Variants in DERA observed in about 807,000 individuals in gnomAD.
DERA encodes the protein 2-deoxy-D-ribose 5-phosphate aldolase.
In DERA, 15 loss-of-function variants were observed where a neutral mutation model predicts 41.1. That is an observed-to-expected ratio of 0.37 (90% CI 0.24 to 0.56). DERA has a LOEUF of 0.56. Among genes scored for constraint, DERA ranks in the 20% least tolerant of loss-of-function variants. The probability of loss-of-function intolerance (pLI) is 0.81; values close to 1 mark genes in which losing one functional copy is unlikely to be tolerated. For missense variants in DERA, 396 were observed against 403.4 expected, an observed-to-expected ratio of 0.98 and a Z score of 0.16; for synonymous variants, 139 against 137.4, an observed-to-expected ratio of 1.01 and a Z score of -0.08.
intron 6 of DERA, among the ~76,000 whole-genome samples, chr12:15,991,175 T>C (rs2136167656): frequency 6.6e-6 from 1 of 152,328 alleles, no homozygotes; most frequent in Non-Finnish European, 1.5e-5. Flanking sequence ...TGGTATCTCA[T>C]TGTGGTTTTG....
intron 6 of DERA, among the ~76,000 whole-genome samples, chr12:16,007,607 T>C (rs961525110): frequency 2.0e-5 from 3 of 152,228 alleles, no homozygotes; most frequent in African/African-American, 7.2e-5. Flanking sequence ...AGCTGTATGG[T>C]CAATATAATG....
rs1289086389 is a variant in DERA at position 15,992,294 on chromosome 12, C to G, written c.637+9858C>G. 5.9e-5 allele frequency among the ~76,000 whole-genome samples: 9 copies of G among 152,088 alleles called. No homozygotes were observed. The highest frequency in any genetic ancestry group is 2.2e-4 in the African/African-American group (9 of 41,488). On this transcript the variant is annotated intron_variant, in intron 6 of 8. Transcript: ENST00000428559. The surrounding 1 kb of genome is among the most constrained non-coding windows in gnomAD (Gnocchi z 4.3). The stretch of plus-strand genomic sequence containing the variant: ...ATTTAGATGCCTCTTTCCAGATGTG[C>G]CAAAATCTTGTAGAATTTGAACATG...
Position 15,911,418 on chromosome 12 carries a change from A to G in DERA, c.31+4A>G, listed in dbSNP as rs945059561. On this transcript the variant is annotated splice_donor_region_variant and intron_variant, in intron 1 of 8. Transcript: ENST00000428559. The surrounding 1 kb of genome is among the most constrained non-coding windows in gnomAD (Gnocchi z 4.5). ...CACAATCGGGGCACCGAGCTCGGTA[A>G]GGGGCCCGCGGGGCTCCCCATCCCC... 30 of 1,410,000 alleles carry G rather than the reference A, an allele frequency of 2.1e-5. No homozygotes were observed. The highest frequency in any genetic ancestry group is 3.0e-5 in the African/African-American group (2 of 66,228). 87.3% of individuals were successfully genotyped at this position (1,410,000 alleles called of 1,614,324 possible). A position where few individuals can be genotyped will look rare whatever the true frequency, so the allele number is the denominator to read the frequency against.
rs757095178 is a variant in DERA at position 16,036,100 on chromosome 12, T to C, written c.751-132T>C. The C allele has an allele frequency of 2.4e-5, 20 of 838,774 alleles. No individual in the cohort carries two copies. Among genetic ancestry groups the C allele is most frequent in the Non-Finnish European group, 3.2e-5 (19 of 602,532 alleles). The allele number at this position is 838,774 out of a possible 1,614,324, so 52.0% of individuals were successfully genotyped here. On this transcript the variant is annotated intron_variant, in intron 7 of 8. Transcript: ENST00000428559. This position sits in a 1 kb window ranked among gnomAD's most constrained non-coding sequence, Gnocchi z 4.9. Reference sequence around the variant, plus strand: ...GAGTCACTGATCTAAGCCCTTTCACTGGATGAAGTGAAAAGATTTTTTTTC... The same window carrying C: ...GAGTCACTGATCTAAGCCCTTTCACCGGATGAAGTGAAAAGATTTTTTTTC...
chr12:15,969,838 T>A (rs527558627), intron 5 of DERA, among the ~76,000 whole-genome samples: 74 of 152,212 alleles, frequency 4.9e-4, no homozygotes, highest in Non-Finnish European at 9.6e-4. Context: ...AGAAAAGCAG[T>A]CTCTAAATCG....
intron 3 of DERA, among the ~76,000 whole-genome samples, chr12:15,958,820 T>C (rs1055207473): frequency 2.6e-5 from 4 of 152,238 alleles, no homozygotes; most frequent in African/African-American, 9.6e-5. Context: ...TTCACTGCCT[T>C]AGTATACATG....
At position 15,954,772 on chromosome 12, in the gene DERA, G is replaced by A. The variant is rs74750094; in HGVS notation, c.32-2164G>A. On this transcript the variant is annotated intron_variant, in intron 1 of 8. Coordinates refer to ENST00000428559, the MANE Select transcript of DERA (RefSeq NM_015954.4). This position sits in a 1 kb window ranked among gnomAD's most constrained non-coding sequence, Gnocchi z 4.0. Reference sequence around the variant, plus strand: ...GTGGCGACAGTAGTGGTAGTGGTGCGTTGGGAGTAGAGAATGGGAAGGACT... The same window carrying A: ...GTGGCGACAGTAGTGGTAGTGGTGCATTGGGAGTAGAGAATGGGAAGGACT... 0.013 allele frequency among the ~76,000 whole-genome samples: 1,930 copies of A among 152,268 alleles called. 51 individuals carry two copies. The highest frequency in any genetic ancestry group is 0.045 in the African/African-American group (1,867 of 41,550).
chr12:16,017,753 C>T lies in DERA; in HGVS notation c.638-14789C>T, dbSNP rs536014023. ...GCAGATTGCAAGTATAAGTTAGTGTCGGAATTACCATACGAAACTCTCTTT... is the reference window on the plus strand; with the variant it reads ...GCAGATTGCAAGTATAAGTTAGTGTTGGAATTACCATACGAAACTCTCTTT... On this transcript the variant is annotated intron_variant, in intron 6 of 8. Transcript: ENST00000428559. This position sits in a 1 kb window ranked among gnomAD's most constrained non-coding sequence, Gnocchi z 5.5. Among the ~76,000 whole-genome samples the T allele has an allele frequency of 2.7e-4, 41 of 152,250 alleles. No individual in the cohort carries two copies. The highest frequency in any genetic ancestry group is 5.9e-4 in the Admixed American group (9 of 15,296).
chr12:15,923,193 T>C (rs996552892), intron 1 of DERA, among the ~76,000 whole-genome samples: 1 of 151,242 alleles, frequency 6.6e-6, no homozygotes, highest in Admixed American at 6.6e-5. Flanking sequence ...CGGCTAATTT[T>C]TTGTATTTTT....
chr12:15,917,183 A>G (rs1948206944), intron 1 of DERA, among the ~76,000 whole-genome samples: 1 of 152,156 alleles, frequency 6.6e-6, no homozygotes, highest in African/African-American at 2.4e-5. Flanking sequence ...CTTTAAGTTA[A>G]AAAAGTCAAT....
At chr12:16,022,268 G>A (rs1471196535) in intron 6 of DERA, among the ~76,000 whole-genome samples, 1 of 152,092 alleles carries the variant, frequency 6.6e-6, no homozygotes, top group East Asian at 1.9e-4. Context: ...TCCTGCTCTT[G>A]CCATGTGACA....
At chr12:16,023,168 T>A (rs1013360470) in intron 6 of DERA, among the ~76,000 whole-genome samples, 1 of 152,146 alleles carries the variant, frequency 6.6e-6, no homozygotes, top group African/African-American at 2.4e-5. Flanking sequence ...CCTCATCTGT[T>A]ACCACCACAG....
In DERA at chr12:15,965,143, T is replaced by C. The variant is rs1948613724; in HGVS notation, c.508+2196T>C. 6.6e-6 allele frequency among the ~76,000 whole-genome samples: 1 copy of C among 152,246 alleles called. No individual in the cohort carries two copies. Among genetic ancestry groups the C allele is most frequent in the African/African-American group, 2.4e-5 (1 of 41,468 alleles). On this transcript the variant is annotated intron_variant, in intron 5 of 8. Coordinates refer to ENST00000428559, the MANE Select transcript of DERA (RefSeq NM_015954.4). The surrounding 1 kb of genome is among the most constrained non-coding windows in gnomAD (Gnocchi z 4.1). ...TATTTTTCAGTGTCATGTTTTAATA[T>C]TAGCTGTTTATTAAAATATGAGCAT...
Position 15,982,127 on chromosome 12 carries a change from T to C in DERA, c.509-181T>C, listed in dbSNP as rs1412894804. Among the ~76,000 whole-genome samples, 1 of 152,206 alleles carries C rather than the reference T, an allele frequency of 6.6e-6. No homozygotes were observed. Among genetic ancestry groups the C allele is most frequent in the African/African-American group, 2.4e-5 (1 of 41,440 alleles). On this transcript the variant is annotated intron_variant, in intron 5 of 8. Transcript: ENST00000428559. The surrounding 1 kb of genome is among the most constrained non-coding windows in gnomAD (Gnocchi z 4.0). Reference sequence around the variant, plus strand: ...TCATGGTAGCAAACTAAGCATTCCTTGTAACAGGATGTGAACTGCAACAGA... The same window carrying C: ...TCATGGTAGCAAACTAAGCATTCCTCGTAACAGGATGTGAACTGCAACAGA...
At chr12:15,916,766 A>G (rs1948203390) in intron 1 of DERA, among the ~76,000 whole-genome samples, 1 of 151,966 alleles carries the variant, frequency 6.6e-6, no homozygotes, top group Non-Finnish European at 1.5e-5. Context: ...CTGTTTCTTG[A>G]TGTATTCTTT....
intron 1 of DERA, among the ~76,000 whole-genome samples, chr12:15,955,928 A>G (rs1365573353): frequency 6.6e-6 from 1 of 152,202 alleles, no homozygotes; most frequent in Non-Finnish European, 1.5e-5. Context: ...AAAACATGGA[A>G]TTGCTGGAGA....
At position 16,001,112 on chromosome 12, in the gene DERA, A is replaced by C. The variant is rs1231512481; in HGVS notation, c.637+18676A>C. ...ATTTTCATTTTCTGTCCATAAACGC[A>C]TACCCAGGCAGAGCTGATACTCTAT... On this transcript the variant is annotated intron_variant, in intron 6 of 8. Coordinates refer to ENST00000428559, the MANE Select transcript of DERA (RefSeq NM_015954.4). This position sits in a 1 kb window ranked among gnomAD's most constrained non-coding sequence, Gnocchi z 4.1. Among the ~76,000 whole-genome samples, 1 of 152,180 alleles carries C rather than the reference A, an allele frequency of 6.6e-6. No individual in the cohort carries two copies. Among genetic ancestry groups the C allele is most frequent in the Non-Finnish European group, 1.5e-5 (1 of 68,048 alleles).
intron 1 of DERA, among the ~76,000 whole-genome samples, chr12:15,934,506 A>T (rs184895061): frequency 1.0e-3 from 159 of 152,134 alleles, no homozygotes; most frequent in African/African-American, 3.7e-3. Flanking sequence ...GAATTGCTTG[A>T]ACCTGGGAGG....
rs1461584168 is a variant in DERA at position 16,021,540 on chromosome 12, T to G, written c.638-11002T>G. ...ACACAGAGTCTCCACTGCAGCGCTG[T>G]CTTAGTGGAATTGTGGGAATGGGGC... On this transcript the variant is annotated intron_variant, in intron 6 of 8. Transcript: ENST00000428559. The surrounding 1 kb of genome is among the most constrained non-coding windows in gnomAD (Gnocchi z 5.3). 6.6e-6 allele frequency among the ~76,000 whole-genome samples: 1 copy of G among 152,086 alleles called. No individual in the cohort carries two copies. The highest frequency in any genetic ancestry group is 1.5e-5 in the Non-Finnish European group (1 of 68,014).
Sources: gnomAD v4.1 joint callset for allele counts (sites outside exome capture counted in the v4.1 genomes callset) on GRCh38, gnomAD v4.1.1 for gene constraint, Gnocchi (gnomAD v3.1) non-coding constraint, MANE v1.5 for transcripts, NCBI Gene and HGNC (gene_info 2026-07-23, HGNC 2026-07-21) for gene names.